SDK1: variants seen among roughly 807,000 people sequenced by gnomAD.
SDK1 encodes sidekick cell adhesion molecule 1.
Under a neutral mutation model 245.5 loss-of-function variants are expected in SDK1, and 157 were observed. The ratio of observed to expected loss-of-function variants is 0.64; its 90% CI spans 0.56 to 0.73. The LOEUF is 0.73. SDK1 is among the 30% of genes least tolerant of loss of function. The pLI is 0.00. For missense variants in SDK1, 3,583 were observed against 3,002.3 expected (o/e 1.19, Z -4.52); for synonymous variants, 1,647 against 1,278.5 (o/e 1.29, Z -6.15).
rs572811339 is a variant in SDK1 at position 3,927,567 on chromosome 7, C to T, written c.848-23356C>T. 4.1e-4 allele frequency among the ~76,000 whole-genome samples: 62 copies of T among 152,246 alleles called. 1 individual carries two copies. Among genetic ancestry groups the T allele is most frequent in the Non-Finnish European group, 2.9e-5 (2 of 68,020 alleles). On this transcript the variant is annotated intron_variant, in intron 5 of 44. Transcript: ENST00000404826. ...TCACAGTCAGAGGCCTCAAAGCCTGCGCTTCTCCCGTGACACTGTCATTTC... is the reference window on the plus strand; with the variant it reads ...TCACAGTCAGAGGCCTCAAAGCCTGTGCTTCTCCCGTGACACTGTCATTTC...
At chr7:3,837,662 C>T (rs1261666895) in intron 5 of SDK1, among the ~76,000 whole-genome samples, 1 of 152,092 alleles carries the variant, frequency 6.6e-6, no homozygotes, top group African/African-American at 2.4e-5. Flanking sequence ...TGAGGTATGA[C>T]CCATGATCCA....
intron 4 of SDK1, among the ~76,000 whole-genome samples, chr7:3,671,650 C>T (rs906833369): frequency 1.3e-5 from 2 of 152,096 alleles, no homozygotes; most frequent in African/African-American, 4.8e-5. Flanking sequence ...ACTTGTGTTT[C>T]TCCAGGAAGT....
At chr7:3,757,580 A>G (rs543513804) in intron 4 of SDK1, among the ~76,000 whole-genome samples, 2 of 152,220 alleles carry the variant, frequency 1.3e-5, no homozygotes, top group South Asian at 2.1e-4. Flanking sequence ...TATAAAGGAT[A>G]CAACTCAGGA....
At chr7:3,898,458 T>C (rs950515256) in intron 5 of SDK1, among the ~76,000 whole-genome samples, 8 of 152,208 alleles carry the variant, frequency 5.3e-5, no homozygotes, top group African/African-American at 1.7e-4. Context: ...AAATGATAAA[T>C]ACAAGTCATC....
At chr7:3,533,312 T>C (rs893904201) in intron 1 of SDK1, among the ~76,000 whole-genome samples, 1 of 152,122 alleles carries the variant, frequency 6.6e-6, no homozygotes, top group Non-Finnish European at 1.5e-5. Context: ...ACTAAGTGAA[T>C]TGAAAAGTTG....
chr7:3,646,941 G>A (rs1291673923), intron 4 of SDK1, among the ~76,000 whole-genome samples: 1 of 152,206 alleles, frequency 6.6e-6, no homozygotes, highest in East Asian at 1.9e-4. Flanking sequence ...TGGTTGCCAG[G>A]GACTTGGGGG....
intron 1 of SDK1, among the ~76,000 whole-genome samples, chr7:3,580,269 C>G (rs1285172857): frequency 6.6e-6 from 1 of 152,172 alleles, no homozygotes; most frequent in Non-Finnish European, 1.5e-5. Context: ...CCATAACATT[C>G]TTCACAAAAC....
intron 22 of SDK1, among the ~76,000 whole-genome samples, chr7:4,089,337 G>C (rs1338521672): frequency 4.6e-5 from 7 of 152,212 alleles, no homozygotes; most frequent in Non-Finnish European, 8.8e-5. Flanking sequence ...AGAACCCCTG[G>C]GGCAGAGGCT....
chr7:3,779,622 T>G (rs1436935793), intron 4 of SDK1, among the ~76,000 whole-genome samples: 3 of 152,114 alleles, frequency 2.0e-5, no homozygotes, highest in African/African-American at 7.2e-5. Flanking sequence ...AACTAAAATA[T>G]TCAAAAAATA....
chr7:4,256,736 G>T (rs1185118904), intron 44 of SDK1, among the ~76,000 whole-genome samples: 2 of 152,194 alleles, frequency 1.3e-5, no homozygotes, highest in Non-Finnish European at 2.9e-5. Flanking sequence ...ACAGAGGCAG[G>T]CTTCTGCTCA....
chr7:3,483,535 C>G (rs931947174), intron 1 of SDK1, among the ~76,000 whole-genome samples: 2 of 152,054 alleles, frequency 1.3e-5, no homozygotes, highest in Non-Finnish European at 2.9e-5. Context: ...GTGAATATTT[C>G]TGTCTCTAAA....
chr7:4,154,477 A>G (rs1272454127), intron 30 of SDK1, among the ~76,000 whole-genome samples: 1 of 152,054 alleles, frequency 6.6e-6, no homozygotes, highest in East Asian at 1.9e-4. Context: ...GGCATGGGGA[A>G]TGAGCAAAGG....
At chr7:3,516,272 C>T (rs1226823653) in intron 1 of SDK1, among the ~76,000 whole-genome samples, 1 of 151,558 alleles carries the variant, frequency 6.6e-6, no homozygotes, top group Non-Finnish European at 1.5e-5. Context: ...ATTTATAATA[C>T]ACATATATAC....
chr7:4,266,947 G>A lies in SDK1; in HGVS notation c.*1563G>A, dbSNP rs1051975185. 1.0e-6 allele frequency: 1 copy of A among 985,512 alleles called. No homozygotes were observed. The highest frequency in any genetic ancestry group is 1.2e-6 in the Non-Finnish European group (1 of 829,982). The allele number at this position is 985,512 out of a possible 1,614,324, so 61.0% of individuals were successfully genotyped here. The stretch of plus-strand genomic sequence containing the variant: ...GGGACAACTGAGCAGTATCTGACCA[G>A]TGCCACCCAGGAGCCAGTCTCCTGG... On this transcript the variant is annotated 3_prime_UTR_variant, in exon 45 of 45. Coordinates refer to ENST00000404826, the MANE Select transcript of SDK1 (RefSeq NM_152744.4).
chr7:4,097,720 C>T (rs561056357), intron 22 of SDK1, among the ~76,000 whole-genome samples: 1 of 152,318 alleles, frequency 6.6e-6, no homozygotes, highest in South Asian at 2.1e-4. Context: ...TCTCCTCCTT[C>T]CCTCCTTATG....
chr7:4,059,756 T>C (rs906479861), intron 19 of SDK1, among the ~76,000 whole-genome samples: 7 of 151,942 alleles, frequency 4.6e-5, no homozygotes, highest in African/African-American at 1.4e-4. Flanking sequence ...TAGACCACAA[T>C]GGAATAAAAC....
intron 14 of SDK1, among the ~76,000 whole-genome samples, chr7:3,993,247 C>A (rs112036256): frequency 1.3e-5 from 2 of 152,230 alleles, no homozygotes; most frequent in African/African-American, 4.8e-5. Flanking sequence ...AGTTCTCAAA[C>A]TGAGCCTCTG....
intron 31 of SDK1, among the ~76,000 whole-genome samples, chr7:4,158,967 C>CCG (rs1406012574): frequency 2.6e-5 from 4 of 152,210 alleles, no homozygotes; most frequent in South Asian, 2.1e-4. Context: ...GCGTTTTCAG[C>CCG]CGCTCCGTCC....
intron 1 of SDK1, among the ~76,000 whole-genome samples, chr7:3,568,019 C>G (rs1779983354): frequency 6.6e-6 from 1 of 152,168 alleles, no homozygotes; most frequent in South Asian, 2.1e-4. Context: ...CCAGGTCTCA[C>G]TATGTTGTCC....
Sources: gnomAD v4.1 joint callset for allele counts (sites outside exome capture counted in the v4.1 genomes callset) on GRCh38, gnomAD v4.1.1 for gene constraint, MANE v1.5 for transcripts, NCBI Gene and HGNC (gene_info 2026-07-23, HGNC 2026-07-21) for gene names.